Variants in RIMS2 observed in about 807,000 individuals in gnomAD.
RIMS2 encodes the protein regulating synaptic membrane exocytosis protein 2.
RIMS2 carries 59 observed loss-of-function variants against 174.4 expected under a neutral mutation model. That is an observed-to-expected ratio of 0.34 (90% CI 0.27 to 0.42). The LOEUF is 0.42. Among genes scored for constraint, RIMS2 ranks in the 10% least tolerant of loss-of-function variants. RIMS2 has a pLI of 1.00. For synonymous variants in RIMS2, 606 were observed against 572.5 expected (o/e 1.06, Z -0.84); for missense variants, 1,620 against 1,666.3 (o/e 0.97, Z 0.48).
intron 19 of RIMS2, among the ~76,000 whole-genome samples, chr8:104,107,968 C>CT (rs373314815): frequency 2.0e-5 from 1 of 49,084 alleles, no homozygotes; most frequent in Non-Finnish European, 4.6e-5. Flanking sequence ...CTTTCCCCTG[C>CT]CCCCCCCCCA....
chr8:103,521,917 G>C (rs1181053513), intron 1 of RIMS2, among the ~76,000 whole-genome samples: 1 of 149,470 alleles, frequency 6.7e-6, no homozygotes, highest in Non-Finnish European at 1.5e-5. Flanking sequence ...GCTTCTTCCT[G>C]CTCTACCTTG....
At chr8:104,119,659 G>A (rs2098340481) in intron 19 of RIMS2, among the ~76,000 whole-genome samples, 1 of 152,000 alleles carries the variant, frequency 6.6e-6, no homozygotes, top group Non-Finnish European at 1.5e-5. Context: ...TAAAATTATA[G>A]TACAAATAAA....
At chr8:104,172,771 A>T (rs1393493176) in intron 19 of RIMS2, among the ~76,000 whole-genome samples, 1 of 152,230 alleles carries the variant, frequency 6.6e-6, no homozygotes, top group African/African-American at 2.4e-5. Context: ...GTAGAAGAGG[A>T]TATGACTAAG....
chr8:103,994,713 C>T (rs1157355835), intron 17 of RIMS2, among the ~76,000 whole-genome samples: 1 of 152,020 alleles, frequency 6.6e-6, no homozygotes, highest in African/African-American at 2.4e-5. Flanking sequence ...AATGTTCATG[C>T]ATGAGTTTTT....
intron 19 of RIMS2, among the ~76,000 whole-genome samples, chr8:104,165,330 G>A (rs760467899): frequency 6.6e-6 from 1 of 151,980 alleles, no homozygotes; most frequent in South Asian, 2.1e-4. Flanking sequence ...TTCCCTCACA[G>A]GTTTACATAC....
At chr8:104,137,456 T>C (rs1006054559) in intron 19 of RIMS2, among the ~76,000 whole-genome samples, 13 of 152,200 alleles carry the variant, frequency 8.5e-5, no homozygotes, top group African/African-American at 3.1e-4. Context: ...ATATATTTGC[T>C]GAAAACTTAC....
intron 19 of RIMS2, among the ~76,000 whole-genome samples, chr8:104,140,663 C>G (rs1380747622): frequency 6.6e-6 from 1 of 152,108 alleles, no homozygotes; most frequent in African/African-American, 2.4e-5. Context: ...TTGTCAATTT[C>G]AGTCCCCGTA....
intron 1 of RIMS2, among the ~76,000 whole-genome samples, chr8:103,511,847 A>G (rs769532495): frequency 3.3e-5 from 5 of 152,164 alleles, no homozygotes; most frequent in Non-Finnish European, 5.9e-5. Context: ...TCTAGGGGTA[A>G]GGTAGAGTAC....
intron 19 of RIMS2, among the ~76,000 whole-genome samples, chr8:104,093,905 A>C (rs1203522907): frequency 6.6e-6 from 1 of 151,998 alleles, no homozygotes; most frequent in Non-Finnish European, 1.5e-5. Flanking sequence ...TTGTAATTTA[A>C]AAATTAAGAC....
At chr8:103,744,757 T>C (rs192023501) in intron 2 of RIMS2, among the ~76,000 whole-genome samples, 12 of 152,326 alleles carry the variant, frequency 7.9e-5, no homozygotes, top group African/African-American at 2.9e-4. Context: ...GACCCCTTGC[T>C]CTTCAGTGGG....
rs185173183 is a variant in RIMS2, at chr8:103,629,187, C to T, written c.177-67899C>T. On this transcript the variant is annotated intron_variant, in intron 1 of 23. Transcript: ENST00000504942. ...ACAGATTGTGGATAGACCCTCTCCT[C>T]CATCCCCATGATGCAATAATGAGCC... Among the ~76,000 whole-genome samples the T allele has an allele frequency of 5.9e-5, 9 of 152,324 alleles. 1 individual carries two copies. In the East Asian group the frequency reaches 1.3e-3, roughly 23 times the overall value.
At chr8:104,134,283 G>T (rs1009344143) in intron 19 of RIMS2, among the ~76,000 whole-genome samples, 4 of 152,140 alleles carry the variant, frequency 2.6e-5, no homozygotes, top group African/African-American at 9.7e-5. Context: ...TGACCAGCAT[G>T]GTGAGATCTC....
exon 18 of RIMS2, chr8:104,013,519 C>A (rs1159928685): frequency 4.3e-6 from 7 of 1,613,340 alleles, no homozygotes; most frequent in African/African-American, 1.3e-5. Flanking sequence ...GAGCGGACCA[C>A]CACCCGCTCC....
At chr8:104,240,311 A>T (rs1372754371) in intron 19 of RIMS2, among the ~76,000 whole-genome samples, 1 of 152,150 alleles carries the variant, frequency 6.6e-6, no homozygotes, top group Non-Finnish European at 1.5e-5. Context: ...CTTTCTATAG[A>T]CCTTCACTGT....
chr8:103,954,250 G>C (rs987649444), intron 14 of RIMS2, among the ~76,000 whole-genome samples: 9 of 151,810 alleles, frequency 5.9e-5, no homozygotes, highest in Admixed American at 2.0e-4. Flanking sequence ...TGACCAAGCG[G>C]CCTAATAGAC....
intron 3 of RIMS2, chr8:103,880,752 T>A (rs1348232478): frequency 6.9e-6 from 3 of 436,286 alleles, no homozygotes; most frequent in Middle Eastern, 5.7e-4. Flanking sequence ...TATTTTTGTT[T>A]TTTTATAAAT....
chr8:103,673,590 T>C (rs796214266), intron 1 of RIMS2, among the ~76,000 whole-genome samples: 23 of 152,300 alleles, frequency 1.5e-4, no homozygotes, highest in African/African-American at 5.1e-4. Flanking sequence ...GCTGTAGCTG[T>C]AGCTAGAGCA....
In RIMS2 at chr8:104,195,670, A is replaced by G. The variant is rs181971749; in HGVS notation, c.3335-49246A>G. On this transcript the variant is annotated intron_variant, in intron 19 of 23. Coordinates refer to ENST00000504942, the Ensembl canonical transcript of RIMS2. ...GCTGGGACTACAGGCACACGTCGCC[A>G]TGCCTGGCTAATTTTTTGTATTTTA... Among the ~76,000 whole-genome samples, 63 of 152,142 alleles carry G rather than the reference A, an allele frequency of 4.1e-4. No individual in the cohort carries two copies. The East Asian group carries it at 0.012, about 28-fold the overall frequency.
At chr8:103,920,988 G>A (rs1310565116) in intron 9 of RIMS2, 5 of 244,830 alleles carry the variant, frequency 2.0e-5, no homozygotes, top group African/African-American at 1.2e-4. Flanking sequence ...CACAGAATGA[G>A]ATTCTGTCTC....
Sources: allele counts gnomAD v4.1 joint callset (sites outside exome capture counted in the v4.1 genomes callset), GRCh38; gene constraint gnomAD v4.1.1; transcripts MANE v1.5; gene names NCBI Gene and HGNC (gene_info 2026-07-23, HGNC 2026-07-21).